Variants in ROBO2 observed in about 807,000 individuals in gnomAD.
The protein encoded by ROBO2 is roundabout homolog 2.
ROBO2 carries 53 observed loss-of-function variants against 160.8 expected under a neutral mutation model. That is an observed-to-expected ratio of 0.33 (90% CI 0.26 to 0.41). ROBO2 has a LOEUF of 0.41. ROBO2 is among the 10% of genes least tolerant of loss of function. The pLI is 1.00. For missense variants in ROBO2, 1,577 were observed against 1,722.4 expected (o/e 0.92, Z 1.49); for synonymous variants, 664 against 611.7 (o/e 1.09, Z -1.26).
chr3:76,213,035 AG>A (rs1342245158), intron 2 of ROBO2, among the ~76,000 whole-genome samples: 1 of 152,180 alleles, frequency 6.6e-6, no homozygotes, highest in Non-Finnish European at 1.5e-5. Context: ...ATGTGTCACA[AG>A]GTAGGAACGC....
chr3:76,970,267 T>C (rs1230505134), intron 2 of ROBO2, among the ~76,000 whole-genome samples: 2 of 152,170 alleles, frequency 1.3e-5, no homozygotes, highest in African/African-American at 2.4e-5. Flanking sequence ...CTCTACCATT[T>C]CCTTTACTTT....
At chr3:76,610,307 C>T (rs2087996058) in intron 2 of ROBO2, among the ~76,000 whole-genome samples, 1 of 152,156 alleles carries the variant, frequency 6.6e-6, no homozygotes, top group South Asian at 2.1e-4. Context: ...ACTCGGGGCC[C>T]CCTGGGTTCG....
At chr3:77,444,042 C>T (rs2080221397) in intron 2 of ROBO2, among the ~76,000 whole-genome samples, 1 of 152,158 alleles carries the variant, frequency 6.6e-6, no homozygotes. Context: ...ATTACCTCCC[C>T]ATTTGTTTCT....
intron 2 of ROBO2, among the ~76,000 whole-genome samples, chr3:77,215,409 G>A (rs2084793656): frequency 1.3e-5 from 2 of 152,156 alleles, no homozygotes; most frequent in South Asian, 2.1e-4. Context: ...TGTAGTTCTC[G>A]TGCCGTGGAT....
chr3:76,978,917 G>GTTT (rs1167066418), intron 2 of ROBO2, among the ~76,000 whole-genome samples: 1 of 146,794 alleles, frequency 6.8e-6, no homozygotes, highest in African/African-American at 2.6e-5. Flanking sequence ...CAGTTTTAGA[G>GTTT]TTTTTTTTGT....
intron 2 of ROBO2, among the ~76,000 whole-genome samples, chr3:76,622,637 A>G (rs529843117): frequency 6.6e-6 from 1 of 152,018 alleles, no homozygotes; most frequent in South Asian, 2.1e-4. Context: ...AATCCCCATC[A>G]TTTCCTTAAT....
intron 2 of ROBO2, among the ~76,000 whole-genome samples, chr3:76,908,904 T>A (rs2075789185): frequency 6.6e-6 from 1 of 152,188 alleles, no homozygotes; most frequent in Non-Finnish European, 1.5e-5. Flanking sequence ...CGGATAAAAC[T>A]AAAATAATGT....
At chr3:76,195,832 A>C (rs957784844) in intron 2 of ROBO2, among the ~76,000 whole-genome samples, 1 of 152,188 alleles carries the variant, frequency 6.6e-6, no homozygotes, top group African/African-American at 2.4e-5. Context: ...CTGCAAATGG[A>C]TGCAGCAATT....
chr3:76,487,148 A>T (rs908478386), intron 2 of ROBO2, among the ~76,000 whole-genome samples: 1 of 131,014 alleles, frequency 7.6e-6, no homozygotes, highest in African/African-American at 2.6e-5. Context: ...TTTTTAATTT[A>T]ATTTTTTTTT....
intron 2 of ROBO2, among the ~76,000 whole-genome samples, chr3:76,662,146 C>T (rs1017715637): frequency 2.0e-5 from 3 of 152,050 alleles, no homozygotes; most frequent in Non-Finnish European, 4.4e-5. Flanking sequence ...TTTAAGTTAA[C>T]TTTGGAGGCT....
chr3:77,543,439 G>A (rs147122384), intron 6 of ROBO2, among the ~76,000 whole-genome samples: 77 of 152,150 alleles, frequency 5.1e-4, no homozygotes, highest in African/African-American at 1.8e-3. Flanking sequence ...GCATAGATGC[G>A]GTCATTTGCC....
chr3:77,095,020 A>T (rs992507347), intron 1 of ROBO2, among the ~76,000 whole-genome samples: 1 of 152,134 alleles, frequency 6.6e-6, no homozygotes, highest in Admixed American at 6.5e-5. Flanking sequence ...TAAAAATTTT[A>T]TAACATCCAG....
intron 2 of ROBO2, among the ~76,000 whole-genome samples, chr3:76,426,482 G>C (rs968875203): frequency 6.6e-6 from 1 of 152,198 alleles, no homozygotes; most frequent in Admixed American, 6.6e-5. Context: ...GGTAAGGAAG[G>C]CATGACCACT....
At chr3:76,355,109 A>G (rs2075086207) in intron 2 of ROBO2, among the ~76,000 whole-genome samples, 1 of 150,522 alleles carries the variant, frequency 6.6e-6, no homozygotes, top group South Asian at 2.1e-4. Flanking sequence ...TATTATATTC[A>G]CTCCTTAGGT....
intron 2 of ROBO2, among the ~76,000 whole-genome samples, chr3:76,366,369 T>G (rs2075813301): frequency 6.6e-6 from 1 of 152,042 alleles, no homozygotes; most frequent in Non-Finnish European, 1.5e-5. Flanking sequence ...AGGATAAGTT[T>G]CCCAAGGTTA....
At chr3:76,147,678 A>G (rs1160791926) in intron 2 of ROBO2, among the ~76,000 whole-genome samples, 1 of 151,954 alleles carries the variant, frequency 6.6e-6, no homozygotes, top group Non-Finnish European at 1.5e-5. Context: ...AATTGTAATG[A>G]TTGCAAAGCA....
At chr3:76,436,499 G>T (rs1026292760) in intron 2 of ROBO2, among the ~76,000 whole-genome samples, 4 of 152,124 alleles carry the variant, frequency 2.6e-5, no homozygotes, top group African/African-American at 7.2e-5. Flanking sequence ...GCACAGTGCT[G>T]CTAATGTAAA....
At chr3:76,683,165 A>C (rs1311637267) in intron 2 of ROBO2, among the ~76,000 whole-genome samples, 1 of 152,134 alleles carries the variant, frequency 6.6e-6, no homozygotes, top group East Asian at 1.9e-4. Context: ...AGGCATATTT[A>C]CTAATTTTAA....
intron 1 of ROBO2, among the ~76,000 whole-genome samples, chr3:75,920,547 G>A (rs568562233): frequency 9.2e-5 from 14 of 152,074 alleles, no homozygotes; most frequent in South Asian, 4.1e-4. Flanking sequence ...TATTAGGTCC[G>A]CTTGGACCAG....
Sources: gnomAD v4.1 joint callset for allele counts (sites outside exome capture counted in the v4.1 genomes callset) on GRCh38, gnomAD v4.1.1 for gene constraint, MANE v1.5 for transcripts, NCBI Gene and HGNC (gene_info 2026-07-23, HGNC 2026-07-21) for gene names.